The following LMBR1L variants were observed in gnomAD, a reference collection of about 807,000 sequenced individuals.
LMBR1L encodes limb development membrane protein 1 like.
LMBR1L carries 47 observed loss-of-function variants against 67.3 expected under a neutral mutation model. The ratio of observed to expected loss-of-function variants is 0.70; its 90% CI spans 0.55 to 0.89. LMBR1L has a LOEUF of 0.89. Ranked by LOEUF, LMBR1L falls within the 40% of genes least tolerant of loss-of-function variation. The pLI, the probability that LMBR1L is intolerant of heterozygous loss-of-function variation, is 0.00. For synonymous variants in LMBR1L, 247 were observed against 250.3 expected, an observed-to-expected ratio of 0.99 and a Z score of 0.13; for missense variants, 533 against 599.2, an observed-to-expected ratio of 0.89 and a Z score of 1.15.
intron 15 of LMBR1L, among the ~76,000 whole-genome samples, chr12:49,099,823 C>T (rs1000866048): frequency 2.0e-5 from 3 of 151,866 alleles, no homozygotes; most frequent in Non-Finnish European, 4.4e-5. Flanking sequence ...TCAGGTGATC[C>T]GCCCGCCTTG....
intron 1 of LMBR1L, among the ~76,000 whole-genome samples, chr12:49,109,473 T>C (rs1941293220): frequency 6.6e-6 from 1 of 152,224 alleles, no homozygotes; most frequent in Middle Eastern, 3.4e-3. Context: ...AATTTACCCC[T>C]CCTCCAATCA....
intron 3 of LMBR1L, 164 bp from the exon 4 acceptor site, chr12:49,105,049 C>A: frequency 5.6e-6 from 4 of 710,904 alleles, no homozygotes; most frequent in Non-Finnish European, 9.2e-6. Context: ...CACTGCCACC[C>A]CACCCTAGCT....
rs144534135 is a variant in LMBR1L at position 49,104,765 on chromosome 12, G to A, written c.312C>T (p.Leu104=). ...ACACACCATGGATGAGGGAGCCGTTGAGCCACTGGATGTAGTAGTTCCGAG... is the reference window on the plus strand; with the variant it reads ...ACACACCATGGATGAGGGAGCCGTTAAGCCACTGGATGTAGTAGTTCCGAG... ...SLPRNYYIQW[L]NGSLIHGLWN... is the part of the protein sequence containing the mutation. The change falls in exon 4 of 17, where the codon CTC becomes CTT. Residue 104 remains leucine (L), a synonymous_variant. Coordinates refer to ENST00000267102, the MANE Select transcript of LMBR1L (RefSeq NM_018113.4). The A allele has an allele frequency of 9.3e-6, 15 of 1,613,472 alleles. No homozygotes were observed. Among genetic ancestry groups the A allele is most frequent in the African/African-American group, 4.0e-5 (3 of 74,890 alleles).
chr12:49,097,499 C>G lies in LMBR1L; in HGVS notation c.*173G>C, dbSNP rs763593679. ...AGTTAAGTATGGAAAAGCAGGAGGT[C>G]CTGGTCCCAAACTCTGGCTCAGATT... On this transcript the variant is annotated 3_prime_UTR_variant, in exon 17 of 17. Transcript: ENST00000267102. The G allele has an allele frequency of 1.5e-6, 1 of 653,380 alleles. No homozygotes were observed. The highest frequency in any genetic ancestry group is 2.7e-6 in the Non-Finnish European group (1 of 372,370). 40.5% of individuals were successfully genotyped at this position (653,380 alleles called of 1,614,324 possible).
intron 5 of LMBR1L, chr12:49,104,016 C>A: frequency 1.8e-6 from 1 of 558,476 alleles, no homozygotes; most frequent in Non-Finnish European, 3.1e-6. Flanking sequence ...TCATTTGCAT[C>A]TCCTTTCCCC....
chr12:49,104,668 C>A, intron 4 of LMBR1L, 78 bp downstream of exon 4: 4 of 1,593,126 alleles, frequency 2.5e-6, no homozygotes, highest in South Asian at 1.1e-5. Flanking sequence ...GCTTGGCGCA[C>A]GGCTGCCTGA....
intron 3 of LMBR1L, 108 bp downstream of exon 3, chr12:49,105,816 T>C (rs1017562458): frequency 2.3e-5 from 20 of 878,044 alleles, no homozygotes; most frequent in African/African-American, 1.7e-4. Context: ...AAACAGAAAC[T>C]CTCTCTTCAC....
intron 1 of LMBR1L, among the ~76,000 whole-genome samples, chr12:49,109,012 C>T (rs980829038): frequency 2.6e-5 from 4 of 152,080 alleles, no homozygotes; most frequent in African/African-American, 9.7e-5. Flanking sequence ...ATTTTTATAG[C>T]CTGTGTTCTG....
In LMBR1L at chr12:49,102,814, T is replaced by C; in HGVS notation, c.696+73A>G. The C allele has an allele frequency of 2.2e-6, 3 of 1,375,162 alleles. No individual in the cohort carries two copies. In the South Asian group the frequency reaches 3.5e-5, roughly 16 times the overall value. 85.2% of individuals were successfully genotyped at this position (1,375,162 alleles called of 1,614,324 possible). Reference sequence around the variant, plus strand: ...AGTTGTGTACTACACAACCATAGGGTTGTTTCATTGTTTGGTTCCAGCTCT... The same window carrying C: ...AGTTGTGTACTACACAACCATAGGGCTGTTTCATTGTTTGGTTCCAGCTCT... On this transcript the variant is annotated intron_variant, in intron 8 of 16. Coordinates refer to ENST00000267102, the MANE Select transcript of LMBR1L (RefSeq NM_018113.4).
intron 15 of LMBR1L, among the ~76,000 whole-genome samples, chr12:49,098,680 T>C (rs1444293238): frequency 2.0e-5 from 3 of 152,212 alleles, no homozygotes; most frequent in African/African-American, 7.2e-5. Flanking sequence ...TAAATATTCT[T>C]ACCTGCATCC....
Position 49,103,119 on chromosome 12 carries a change from G to A in LMBR1L, c.603C>T (p.Ile201=), listed in dbSNP as rs778054726. 2.5e-6 allele frequency: 4 copies of A among 1,613,936 alleles called. No homozygotes were observed. The highest frequency in any genetic ancestry group is 2.7e-5 in the African/African-American group (2 of 74,896). Reference sequence around the variant, plus strand: ...GGAGCAGCAGAACCCCAAGGAAGGAGATGCATGAGTAGAGGTAGGGGAGAT... The same window carrying A: ...GGAGCAGCAGAACCCCAAGGAAGGAAATGCATGAGTAGAGGTAGGGGAGAT... ...EYYLPYLYSC[I]SFLGVLLLLV... Residue 201 remains isoleucine (I), a synonymous_variant, in exon 7 of 17, where the codon ATC becomes ATT. Coordinates refer to ENST00000267102, the MANE Select transcript of LMBR1L (RefSeq NM_018113.4).
At chr12:49,106,329 G>A in intron 2 of LMBR1L, 2 of 378,564 alleles carry the variant, frequency 5.3e-6, no homozygotes, top group South Asian at 4.2e-5. Flanking sequence ...AGAGGAGGGG[G>A]AAGGGGAGAT....
rs1391565339 is a variant in LMBR1L at position 49,102,872 on chromosome 12, A to C, written c.696+15T>G. On this transcript the variant is annotated intron_variant, in intron 8 of 16. Coordinates refer to ENST00000267102, the MANE Select transcript of LMBR1L (RefSeq NM_018113.4). ...GCTCACCCTGCAGGATCAAAGAGCAAGGAATACCACATACCCGGGGCTTGA... is the reference window on the plus strand; with the variant it reads ...GCTCACCCTGCAGGATCAAAGAGCACGGAATACCACATACCCGGGGCTTGA... 1 of 1,613,082 alleles carries C rather than the reference A, an allele frequency of 6.2e-7. No homozygotes were observed. Among genetic ancestry groups the C allele is most frequent in the Non-Finnish European group, 8.5e-7 (1 of 1,179,088 alleles).
chr12:49,100,740 T>C (rs1940060072), intron 13 of LMBR1L, 94 bp from the exon 14 acceptor site: 1 of 981,836 alleles, frequency 1.0e-6, no homozygotes, highest in African/African-American at 1.7e-5. Flanking sequence ...TTCTTTTTTT[T>C]TTTTTGAGAC....
chr12:49,099,572 A>G (rs914554361), intron 15 of LMBR1L, among the ~76,000 whole-genome samples: 9 of 145,052 alleles, frequency 6.2e-5, no homozygotes, highest in Admixed American at 4.8e-4. Context: ...AACTAGTTAC[A>G]CTCTTGAACT....
intron 1 of LMBR1L, among the ~76,000 whole-genome samples, chr12:49,108,794 T>C (rs1218296379): frequency 6.6e-6 from 1 of 151,898 alleles, no homozygotes; most frequent in African/African-American, 2.4e-5. Flanking sequence ...AGTTATTGTG[T>C]TTGAGATAGG....
intron 6 of LMBR1L, 77 bp from the exon 7 acceptor site, chr12:49,103,236 A>G: frequency 2.4e-6 from 3 of 1,252,226 alleles, no homozygotes; most frequent in East Asian, 4.9e-5. Context: ...CTCAGAGTCT[A>G]GACAAGGGCA....
At chr12:49,103,445 T>C (rs139528568) in intron 6 of LMBR1L, among the ~76,000 whole-genome samples, 56 of 152,324 alleles carry the variant, frequency 3.7e-4, no homozygotes, top group Admixed American at 2.7e-3. Context: ...ATCTGGATAT[T>C]AATGTGAAAC....
chr12:49,097,380 G>A lies in LMBR1L; in HGVS notation c.*292C>T, dbSNP rs1028795651. 4.7e-6 allele frequency: 2 copies of A among 426,848 alleles called. No individual in the cohort carries two copies. The highest frequency in any genetic ancestry group is 8.7e-6 in the Non-Finnish European group (2 of 228,710). 26.4% of individuals were successfully genotyped at this position (426,848 alleles called of 1,614,324 possible). A position where few individuals can be genotyped will look rare whatever the true frequency, so the allele number is the denominator to read the frequency against. On this transcript the variant is annotated 3_prime_UTR_variant, in exon 17 of 17. Coordinates refer to ENST00000267102, the MANE Select transcript of LMBR1L (RefSeq NM_018113.4). ...ATCATGTAAACATGGCTATGGGGATGGCCCAGAACAGCAGTGAGGCAGATT... is the reference window on the plus strand; with the variant it reads ...ATCATGTAAACATGGCTATGGGGATAGCCCAGAACAGCAGTGAGGCAGATT...
Sources: allele counts gnomAD v4.1 joint callset (sites outside exome capture counted in the v4.1 genomes callset), GRCh38; gene constraint gnomAD v4.1.1; transcripts MANE v1.5; gene names NCBI Gene and HGNC (gene_info 2026-07-23, HGNC 2026-07-21).